Variants in CADM2 observed in about 807,000 individuals in gnomAD.
The protein encoded by CADM2 is immunoglobulin superfamily member 4D.
Under a neutral mutation model 49.8 loss-of-function variants are expected in CADM2, and 12 were observed. The observed-to-expected ratio is 0.24, with a 90% CI of 0.15 to 0.39. The LOEUF (loss-of-function observed/expected upper bound fraction) is 0.39. Ranked by LOEUF, CADM2 falls within the 10% of genes least tolerant of loss-of-function variation. The pLI is 1.00. For synonymous variants in CADM2, 214 were observed against 175.4 expected (o/e 1.22, Z -1.74); for missense variants, 378 against 492.3 (o/e 0.77, Z 2.20).
At chr3:85,073,963 A>G (rs77517573) in intron 1 of CADM2, among the ~76,000 whole-genome samples, 3,790 of 152,242 alleles carry the variant, frequency 0.025, 116 homozygotes, top group African/African-American at 0.07. Context: ...CCATATTATT[A>G]TTATGACAAA....
chr3:85,985,975 C>T (rs1350583862), intron 8 of CADM2, among the ~76,000 whole-genome samples: 1 of 151,916 alleles, frequency 6.6e-6, no homozygotes, highest in Non-Finnish European at 1.5e-5. Context: ...ATTCTCTTAC[C>T]TCAATTGTTT....
intron 1 of CADM2, among the ~76,000 whole-genome samples, chr3:85,204,340 C>G (rs1010161982): frequency 2.6e-5 from 4 of 152,080 alleles, no homozygotes; most frequent in Non-Finnish European, 1.5e-5. Context: ...CTATTTGTTA[C>G]TTAATAATAT....
intron 1 of CADM2, among the ~76,000 whole-genome samples, chr3:85,378,078 A>G (rs1461542819): frequency 1.3e-5 from 2 of 152,056 alleles, no homozygotes; most frequent in Non-Finnish European, 2.9e-5. Context: ...AATATTTTCT[A>G]TCATTGTGAA....
intron 1 of CADM2, among the ~76,000 whole-genome samples, chr3:85,535,163 TTTGA>T (rs1419875939): frequency 6.6e-6 from 1 of 152,168 alleles, no homozygotes; most frequent in Admixed American, 6.5e-5. Flanking sequence ...AGTATGTTAA[TTTGA>T]TTAATTTCTT....
chr3:85,028,123 A>G (rs1374083044), intron 1 of CADM2, among the ~76,000 whole-genome samples: 1 of 152,188 alleles, frequency 6.6e-6, no homozygotes, highest in Non-Finnish European at 1.5e-5. Flanking sequence ...ATTCATCCTC[A>G]TTAGAATAAT....
chr3:85,568,626 T>A (rs2062387962), intron 1 of CADM2, among the ~76,000 whole-genome samples: 3 of 139,832 alleles, frequency 2.1e-5, no homozygotes, highest in Admixed American at 7.4e-5. Flanking sequence ...TTTTTTTTTT[T>A]TACAGTCTGT....
At chr3:85,102,488 TG>T (rs1168556905) in intron 1 of CADM2, among the ~76,000 whole-genome samples, 1 of 152,152 alleles carries the variant, frequency 6.6e-6, no homozygotes, top group African/African-American at 2.4e-5. Context: ...TAGCTGATCT[TG>T]GAATTTCTTT....
chr3:85,684,966 T>C (rs1286825580), intron 1 of CADM2, among the ~76,000 whole-genome samples: 3 of 152,116 alleles, frequency 2.0e-5, no homozygotes, highest in African/African-American at 7.2e-5. Context: ...TAGGATTTTG[T>C]TAAAAATGGA....
chr3:85,373,834 G>A (rs2033423792), intron 1 of CADM2, among the ~76,000 whole-genome samples: 1 of 152,300 alleles, frequency 6.6e-6, no homozygotes. Flanking sequence ...TTCAGCCACA[G>A]CTGCCACACA....
At chr3:85,887,598 C>G (rs1012178091) in intron 5 of CADM2, among the ~76,000 whole-genome samples, 1 of 152,110 alleles carries the variant, frequency 6.6e-6, no homozygotes, top group African/African-American at 2.4e-5. Flanking sequence ...ACCCTGATCA[C>G]TACGCTTGCC....
At chr3:85,776,870 T>C (rs1462662038) in intron 2 of CADM2, among the ~76,000 whole-genome samples, 1 of 152,112 alleles carries the variant, frequency 6.6e-6, no homozygotes, top group Non-Finnish European at 1.5e-5. Context: ...CAGTTACCTC[T>C]AGGTATATGG....
At chr3:85,288,247 T>A (rs1280431830) in intron 1 of CADM2, among the ~76,000 whole-genome samples, 1 of 152,086 alleles carries the variant, frequency 6.6e-6, no homozygotes, top group African/African-American at 2.4e-5. Context: ...AAATAGTTCA[T>A]GGAGATCAGT....
At chr3:85,011,428 A>C (rs1258311701) in intron 1 of CADM2, among the ~76,000 whole-genome samples, 2 of 152,234 alleles carry the variant, frequency 1.3e-5, no homozygotes, top group Non-Finnish European at 2.9e-5. Flanking sequence ...ATTATAGGAC[A>C]CAAGTTTATT....
intron 1 of CADM2, among the ~76,000 whole-genome samples, chr3:85,421,492 T>C (rs2196096): frequency 0.17 from 25,546 of 152,072 alleles, 2,614 homozygotes; most frequent in Non-Finnish European, 0.23. Context: ...AAACATTCAC[T>C]CTCTTATGCT....
chr3:85,510,727 C>G (rs1191093229), intron 1 of CADM2, among the ~76,000 whole-genome samples: 2 of 151,852 alleles, frequency 1.3e-5, no homozygotes, highest in African/African-American at 4.8e-5. Flanking sequence ...TTTTTGCTTT[C>G]CTATGTGATT....
intron 7 of CADM2, among the ~76,000 whole-genome samples, chr3:85,947,400 T>C (rs1722862851): frequency 6.6e-6 from 1 of 151,664 alleles, no homozygotes; most frequent in African/African-American, 2.4e-5. Flanking sequence ...TGTGTGTGTC[T>C]GTGTGTGTGT....
chr3:85,047,449 G>T (rs114302381), intron 1 of CADM2, among the ~76,000 whole-genome samples: 198 of 152,088 alleles, frequency 1.3e-3, no homozygotes, highest in Non-Finnish European at 2.2e-3. Flanking sequence ...CCAATAATGG[G>T]AACTTCTCAT....
chr3:85,601,941 T>C (rs2063418823), intron 1 of CADM2, among the ~76,000 whole-genome samples: 1 of 151,820 alleles, frequency 6.6e-6, no homozygotes. Flanking sequence ...CAAAGTCAGC[T>C]GAAATCTTAG....
intron 1 of CADM2, among the ~76,000 whole-genome samples, chr3:85,389,812 GC>G (rs1161662425): frequency 2.6e-5 from 4 of 152,098 alleles, no homozygotes; most frequent in Non-Finnish European, 4.4e-5. Context: ...CAGGTATGCA[GC>G]ACTGACTATT....
Sources: gnomAD v4.1 joint callset for allele counts (sites outside exome capture counted in the v4.1 genomes callset) on GRCh38, gnomAD v4.1.1 for gene constraint, MANE v1.5 for transcripts, NCBI Gene and HGNC (gene_info 2026-07-23, HGNC 2026-07-21) for gene names.